The following RANBP2 variants were observed in gnomAD, a reference collection of about 807,000 sequenced individuals.
RANBP2 encodes the protein E3 SUMO-protein ligase RanBP2.
A neutral mutation model predicts 303.6 loss-of-function variants in RANBP2; 57 were observed. The observed-to-expected ratio is 0.19, with a 90% confidence interval of 0.15 to 0.23. RANBP2 has a LOEUF of 0.23. RANBP2 is among the 10% of genes least tolerant of loss of function. The pLI is 1.00. For synonymous variants in RANBP2, 1,167 were observed against 1,301.5 expected (o/e 0.90, Z 2.23); for missense variants, 3,138 against 3,780.8 (o/e 0.83, Z 4.46).
the RANBP2 span, among the ~76,000 whole-genome samples, chr2:109,528,051 C>G: frequency 6.6e-6 from 1 of 152,172 alleles, no homozygotes; most frequent in South Asian, 2.1e-4. Flanking sequence ...AGCATGGGCT[C>G]TTCCAGGAAT....
chr2:109,671,382 G>C, the RANBP2 span, among the ~76,000 whole-genome samples: 1 of 152,164 alleles, frequency 6.6e-6, no homozygotes, highest in Non-Finnish European at 1.5e-5. Context: ...AGTGGTGGTT[G>C]TATTGGCATC....
At chr2:108,929,926 T>A in the RANBP2 span, among the ~76,000 whole-genome samples, 1 of 152,238 alleles carries the variant, frequency 6.6e-6, no homozygotes, top group East Asian at 1.9e-4. Context: ...TGTTTATGAA[T>A]GCTTAGCTGG....
chr2:109,242,950 C>T, the RANBP2 span, among the ~76,000 whole-genome samples: 1 of 152,228 alleles, frequency 6.6e-6, no homozygotes, highest in Non-Finnish European at 1.5e-5. Flanking sequence ...GACTCTTGTC[C>T]TCTGTGTGAG....
At chr2:109,669,399 A>G in the RANBP2 span, among the ~76,000 whole-genome samples, 1 of 152,232 alleles carries the variant, frequency 6.6e-6, no homozygotes, top group African/African-American at 2.4e-5. Context: ...CACACAGGAG[A>G]AACAATATTT....
chr2:109,369,889 C>T, the RANBP2 span, among the ~76,000 whole-genome samples: 1,794 of 152,318 alleles, frequency 0.012, 35 homozygotes, highest in African/African-American at 0.04. Flanking sequence ...CTGTAAGTCC[C>T]GAATTGCTGC....
At chr2:108,990,991 CA>C in the RANBP2 span, among the ~76,000 whole-genome samples, 4 of 152,096 alleles carry the variant, frequency 2.6e-5, no homozygotes, top group African/African-American at 9.7e-5. Flanking sequence ...GTAACTAAAA[CA>C]TTTTTTCTAT....
At chr2:108,730,929 A>G (rs1695120153) in intron 3 of RANBP2, 44 bp downstream of exon 3, 9 of 1,606,026 alleles carry the variant, frequency 5.6e-6, no homozygotes, top group Non-Finnish European at 7.6e-6. Flanking sequence ...AGCCAAACAC[A>G]TGATGCCCAG....
the RANBP2 span, among the ~76,000 whole-genome samples, chr2:109,163,621 G>A: frequency 5.9e-5 from 9 of 151,494 alleles, no homozygotes; most frequent in African/African-American, 9.7e-5. Flanking sequence ...GGATGGTCTC[G>A]ATCTCCTGAC....
chr2:109,363,925 A>G, the RANBP2 span, among the ~76,000 whole-genome samples: 1 of 152,130 alleles, frequency 6.6e-6, no homozygotes, highest in African/African-American at 2.4e-5. Context: ...TGAAAGTGCT[A>G]TACCAAGGTG....
At chr2:109,459,952 C>A in the RANBP2 span, among the ~76,000 whole-genome samples, 2 of 152,184 alleles carry the variant, frequency 1.3e-5, no homozygotes, top group Admixed American at 6.5e-5. Context: ...TCAGAGCATA[C>A]CCAGCCTTCT....
the RANBP2 span, among the ~76,000 whole-genome samples, chr2:109,237,541 C>T: frequency 6.6e-6 from 1 of 152,128 alleles, no homozygotes; most frequent in African/African-American, 2.4e-5. Context: ...CAGGGAATGG[C>T]TTTGAATGTG....
At chr2:109,677,660 C>T in the RANBP2 span, among the ~76,000 whole-genome samples, 3 of 152,232 alleles carry the variant, frequency 2.0e-5, no homozygotes, top group Non-Finnish European at 1.5e-5. Context: ...GCCTTCTCTT[C>T]CCCTCTCTTT....
the RANBP2 span, among the ~76,000 whole-genome samples, chr2:109,376,293 C>T: frequency 2.0e-5 from 3 of 152,288 alleles, no homozygotes; most frequent in East Asian, 5.8e-4. Context: ...GGACACAGGT[C>T]CAGGGTGTGG....
the RANBP2 span, among the ~76,000 whole-genome samples, chr2:109,322,494 G>A: frequency 1.3e-5 from 2 of 152,184 alleles, no homozygotes; most frequent in Admixed American, 6.5e-5. Context: ...TAAGGAAGCT[G>A]AAATTTCTAA....
chr2:109,326,254 G>A, the RANBP2 span, among the ~76,000 whole-genome samples: 1 of 152,200 alleles, frequency 6.6e-6, no homozygotes, highest in Non-Finnish European at 1.5e-5. Context: ...GATGTACATA[G>A]ATGTCGCTCA....
At chr2:109,463,504 ATC>A in the RANBP2 span, among the ~76,000 whole-genome samples, 1 of 152,204 alleles carries the variant, frequency 6.6e-6, no homozygotes, top group African/African-American at 2.4e-5. Context: ...CCCCTCACAC[ATC>A]TGTTTCTCAT....
At chr2:109,007,099 C>T in the RANBP2 span, among the ~76,000 whole-genome samples, 27 of 152,256 alleles carry the variant, frequency 1.8e-4, no homozygotes, top group African/African-American at 6.0e-4. Flanking sequence ...TAAAGAAGCC[C>T]GACCTGGAAA....
At chr2:109,764,526 C>T in the RANBP2 span, among the ~76,000 whole-genome samples, 7 of 149,512 alleles carry the variant, frequency 4.7e-5, no homozygotes, top group Non-Finnish European at 1.0e-4. Flanking sequence ...ATGAGTAAGG[C>T]GTAGGTTGTA....
At chr2:108,814,005 G>T in the RANBP2 span, among the ~76,000 whole-genome samples, 1 of 152,206 alleles carries the variant, frequency 6.6e-6, no homozygotes, top group African/African-American at 2.4e-5. Flanking sequence ...ATAGACACCT[G>T]GGCTTTTTCT....
Sources: gnomAD v4.1 joint callset for allele counts (sites outside exome capture counted in the v4.1 genomes callset) on GRCh38, gnomAD v4.1.1 for gene constraint, MANE v1.5 for transcripts, NCBI Gene and HGNC (gene_info 2026-07-23, HGNC 2026-07-21) for gene names.